Variants in PSMB2 observed in about 807,000 individuals in gnomAD.
PSMB2 encodes the protein proteasome 20S subunit beta 2.
A neutral mutation model predicts 25.7 loss-of-function variants in PSMB2; 13 were observed. The observed-to-expected ratio is 0.51, with a 90% CI of 0.33 to 0.80. PSMB2 has a LOEUF of 0.80. Among genes scored for constraint, PSMB2 ranks in the 30% least tolerant of loss-of-function variants. The probability of loss-of-function intolerance (pLI) is 0.02; values close to 1 mark genes in which losing one functional copy is unlikely to be tolerated. For synonymous variants in PSMB2, 87 were observed against 96.2 expected, an observed-to-expected ratio of 0.90 and a Z score of 0.56; for missense variants, 202 against 259.0, an observed-to-expected ratio of 0.78 and a Z score of 1.51.
chr1:35,612,837 G>A (rs1170129633), intron 3 of PSMB2, among the ~76,000 whole-genome samples: 1 of 152,194 alleles, frequency 6.6e-6, no homozygotes, highest in Non-Finnish European at 1.5e-5. Flanking sequence ...AAGAGGCCTT[G>A]TTAGAACCCA....
At chr1:35,605,514 A>C (rs1200839820) in intron 4 of PSMB2, among the ~76,000 whole-genome samples, 1 of 152,258 alleles carries the variant, frequency 6.6e-6, no homozygotes, top group Non-Finnish European at 1.5e-5. Context: ...GATTTGCTAC[A>C]GTAAAGGGTG....
At chr1:35,627,673 T>TGGCCTCCCG (rs1650906112) in intron 3 of PSMB2, among the ~76,000 whole-genome samples, 1 of 152,192 alleles carries the variant, frequency 6.6e-6, no homozygotes, top group African/African-American at 2.4e-5. Context: ...AGCTTTGCAT[T>TGGCCTCCCG]ATTACCTTAT....
chr1:35,601,787 G>A lies in PSMB2; in HGVS notation c.*1480C>T, dbSNP rs756399741. The A allele has an allele frequency of 3.8e-5, 37 of 985,390 alleles. No homozygotes were observed. The highest frequency in any genetic ancestry group is 4.7e-5 in the South Asian group (1 of 21,284). The allele number at this position is 985,390 out of a possible 1,614,324, so 61.0% of individuals were successfully genotyped here. Reference sequence around the variant, plus strand: ...AGACCAGCAGCATCAGTAGCAACTGGAAATGTGAGATGAACATTCTGAAAC... The same window carrying A: ...AGACCAGCAGCATCAGTAGCAACTGAAAATGTGAGATGAACATTCTGAAAC... On this transcript the variant is annotated 3_prime_UTR_variant, in exon 6 of 6. Coordinates refer to ENST00000373237, the MANE Select transcript of PSMB2 (RefSeq NM_002794.5).
chr1:35,605,777 T>C (rs1311516714), intron 4 of PSMB2, among the ~76,000 whole-genome samples: 1 of 152,158 alleles, frequency 6.6e-6, no homozygotes, highest in East Asian at 1.9e-4. Flanking sequence ...TCTCCCCAAA[T>C]AGGAGCCAAA....
chr1:35,627,258 C>CAAAAAA (rs772688881), intron 3 of PSMB2, among the ~76,000 whole-genome samples: 3 of 36,442 alleles, frequency 8.2e-5, no homozygotes, highest in African/African-American at 1.6e-4. Flanking sequence ...GACCCTATCT[C>CAAAAAA]AAAAAAAAAA....
rs1247299252 is a variant in PSMB2 at position 35,602,806 on chromosome 1, T to C, written c.*461A>G. 1 of 758,178 alleles carries C rather than the reference T, an allele frequency of 1.3e-6. No homozygotes were observed. Among genetic ancestry groups the C allele is most frequent in the African/African-American group, 1.9e-5 (1 of 52,492 alleles). 47.0% of individuals were successfully genotyped at this position (758,178 alleles called of 1,614,324 possible). A position where few individuals can be genotyped will look rare whatever the true frequency, so the allele number is the denominator to read the frequency against. On this transcript the variant is annotated 3_prime_UTR_variant, in exon 6 of 6. Coordinates refer to ENST00000373237, the MANE Select transcript of PSMB2 (RefSeq NM_002794.5). ...CCACCACACCCAGCTCTGGAAGAAA[T>C]ATTTTTCACTACATGTTTTTGTACT...
intron 3 of PSMB2, among the ~76,000 whole-genome samples, chr1:35,627,398 G>A (rs1007035147): frequency 2.6e-5 from 4 of 152,022 alleles, no homozygotes; most frequent in Non-Finnish European, 5.9e-5. Flanking sequence ...GCTCATGCCT[G>A]TAATCCTAGC....
Position 35,603,332 on chromosome 1 carries a change from G to A in PSMB2, c.541C>T (p.Arg181Ter). 2 of 1,614,050 alleles carry A rather than the reference G, an allele frequency of 1.2e-6. No homozygotes were observed. The highest frequency in any genetic ancestry group is 1.1e-5 in the South Asian group (1 of 91,066). Reference sequence around the variant, plus strand: ...TGGATGCCATTTTTGTCAATGATTCGAACACTGAAGGTTGGCAGATTCAGG... The same window carrying A: ...TGGATGCCATTTTTGTCAATGATTCAAACACTGAAGGTTGGCAGATTCAGG... ...FILNLPTFSV[R>*]IIDKNGIHDL... The change falls in exon 6 of 6, where the codon CGA becomes TGA. Residue 181 changes from arginine to a stop codon, truncating the protein, a stop_gained. Coordinates refer to ENST00000373237, the MANE Select transcript of PSMB2 (RefSeq NM_002794.5). LOFTEE classifies it high-confidence loss of function.
chr1:35,611,786 T>C (rs368475581), intron 3 of PSMB2, among the ~76,000 whole-genome samples: 1 of 151,682 alleles, frequency 6.6e-6, no homozygotes, highest in African/African-American at 2.4e-5. Context: ...ATAGTGCTAC[T>C]GCACCACTCC....
At chr1:35,621,563 C>T (rs1650683119) in intron 3 of PSMB2, among the ~76,000 whole-genome samples, 1 of 152,206 alleles carries the variant, frequency 6.6e-6, no homozygotes, top group African/African-American at 2.4e-5. Flanking sequence ...ATCAGTTAAT[C>T]CTATTTGCTC....
chr1:35,620,836 T>C (rs965181556), intron 3 of PSMB2, among the ~76,000 whole-genome samples: 2 of 151,948 alleles, frequency 1.3e-5, no homozygotes, highest in African/African-American at 4.8e-5. Context: ...AGCTAATTTT[T>C]GTATTTTTAG....
intron 3 of PSMB2, among the ~76,000 whole-genome samples, chr1:35,611,313 A>G (rs1438384570): frequency 1.3e-5 from 2 of 152,150 alleles, no homozygotes; most frequent in Non-Finnish European, 2.9e-5. Context: ...GGCAGCCTTA[A>G]AAAACTCATG....
intron 3 of PSMB2, among the ~76,000 whole-genome samples, chr1:35,628,620 TATATA>T (rs1557456540): frequency 1.9e-4 from 10 of 51,906 alleles, no homozygotes; most frequent in East Asian, 2.2e-3. Context: ...TATATATATA[TATATA>T]TATATATTTT....
intron 4 of PSMB2, 41 bp from the exon 5 acceptor site, chr1:35,605,323 A>G: frequency 1.3e-6 from 2 of 1,578,090 alleles, no homozygotes; most frequent in South Asian, 2.2e-5. Flanking sequence ...CGGTGCTGTC[A>G]TTATATCCAA....
At position 35,625,846 on chromosome 1, in the gene PSMB2, C is replaced by G. The variant is rs186866285; in HGVS notation, c.285+5428G>C. 1.8e-4 allele frequency among the ~76,000 whole-genome samples: 27 copies of G among 151,830 alleles called. No individual in the cohort carries two copies. The East Asian group carries it at 4.7e-3, about 26-fold the overall frequency. On this transcript the variant is annotated intron_variant, in intron 3 of 5. Transcript: ENST00000373237. ...TGTAAGGAGAATTTGAGAAAGGAAGCCTTTTTTTTAGACAGAGTCTTGCTC... is the reference window on the plus strand; with the variant it reads ...TGTAAGGAGAATTTGAGAAAGGAAGGCTTTTTTTTAGACAGAGTCTTGCTC...
At chr1:35,640,002 G>A (rs1398973149) in intron 1 of PSMB2, among the ~76,000 whole-genome samples, 1 of 151,956 alleles carries the variant, frequency 6.6e-6, no homozygotes, top group East Asian at 1.9e-4. Context: ...GTCACAAGTG[G>A]CAGAACCTGG....
chr1:35,607,436 C>T (rs1376769592), intron 4 of PSMB2, among the ~76,000 whole-genome samples: 3 of 152,304 alleles, frequency 2.0e-5, no homozygotes, highest in Non-Finnish European at 4.4e-5. Context: ...CTCAACATCA[C>T]TAATCATCAC....
At chr1:35,633,311 T>C (rs1557458825) in intron 2 of PSMB2, among the ~76,000 whole-genome samples, 3 of 152,134 alleles carry the variant, frequency 2.0e-5, no homozygotes, top group Admixed American at 6.5e-5. Flanking sequence ...ACTGAAGATC[T>C]GACCATTATC....
intron 3 of PSMB2, among the ~76,000 whole-genome samples, chr1:35,609,779 G>T (rs904475705): frequency 5.3e-5 from 8 of 152,162 alleles, no homozygotes; most frequent in Non-Finnish European, 1.0e-4. Context: ...ATAACTAAAA[G>T]AGTATAATTG....
Sources: allele counts gnomAD v4.1 joint callset (sites outside exome capture counted in the v4.1 genomes callset), GRCh38; gene constraint gnomAD v4.1.1; transcripts MANE v1.5; gene names NCBI Gene and HGNC (gene_info 2026-07-23, HGNC 2026-07-21).